B4GALT6: variants seen among roughly 807,000 people sequenced by gnomAD.
B4GALT6 encodes the protein beta-1,4-galactosyltransferase 6.
B4GALT6 carries 14 observed loss-of-function variants against 46.3 expected under a neutral mutation model. The ratio of observed to expected loss-of-function variants is 0.30; its 90% CI spans 0.20 to 0.47. The LOEUF (loss-of-function observed/expected upper bound fraction) is 0.47. B4GALT6 is among the 20% of genes least tolerant of loss of function. B4GALT6 has a pLI of 0.99. For synonymous variants in B4GALT6, 168 were observed against 162.0 expected (o/e 1.04, Z -0.28); for missense variants, 386 against 480.1 (o/e 0.80, Z 1.83).
intron 6 of B4GALT6, among the ~76,000 whole-genome samples, chr18:31,630,107 GGGAGTGGGGAGGA>G (rs1011871585): frequency 2.7e-4 from 40 of 148,230 alleles, no homozygotes; most frequent in African/African-American, 6.3e-4. Flanking sequence ...GGAGGGGAGC[GGGAGTGGGGAGGA>G]GGAGTGGGGA....
upstream of B4GALT6, among the ~76,000 whole-genome samples, chr18:31,688,106 C>T (rs1269003000): frequency 6.6e-6 from 1 of 151,822 alleles, no homozygotes; most frequent in East Asian, 1.9e-4. Context: ...ATAGTCTCAG[C>T]ATCTGAGACT....
At chr18:31,641,419 A>G (rs1360670758) in intron 4 of B4GALT6, among the ~76,000 whole-genome samples, 1 of 152,254 alleles carries the variant, frequency 6.6e-6, no homozygotes, top group African/African-American at 2.4e-5. Context: ...AATATGTGAT[A>G]AATCTAAGGC....
intron 3 of B4GALT6, among the ~76,000 whole-genome samples, chr18:31,654,526 A>C (rs974022535): frequency 3.9e-5 from 6 of 152,226 alleles, no homozygotes; most frequent in Non-Finnish European, 8.8e-5. Context: ...ATTGAATATG[A>C]AACACTGCTG....
the B4GALT6 span, among the ~76,000 whole-genome samples, chr18:31,709,356 T>C: frequency 6.6e-6 from 1 of 150,762 alleles, no homozygotes. Flanking sequence ...TGCACCACCA[T>C]ACCTGACACC....
At chr18:31,661,677 C>A (rs2144665060) in intron 2 of B4GALT6, among the ~76,000 whole-genome samples, 1 of 152,206 alleles carries the variant, frequency 6.6e-6, no homozygotes, top group African/African-American at 2.4e-5. Context: ...ATACTATACA[C>A]TACACATTCA....
At chr18:31,632,331 T>G in intron 5 of B4GALT6, among the ~76,000 whole-genome samples, 1 of 152,352 alleles carries the variant, frequency 6.6e-6, no homozygotes, top group African/African-American at 2.4e-5. Context: ...TATAATGTTA[T>G]GACTAGTACA....
At chr18:31,683,141 G>C (rs2074500583) in intron 1 of B4GALT6, among the ~76,000 whole-genome samples, 1 of 152,122 alleles carries the variant, frequency 6.6e-6, no homozygotes, top group East Asian at 1.9e-4. Context: ...AATTATTAAA[G>C]AAAAAGTCTC....
At chr18:31,631,904 C>A (rs566452910) in intron 5 of B4GALT6, among the ~76,000 whole-genome samples, 18 of 152,222 alleles carry the variant, frequency 1.2e-4, no homozygotes, top group African/African-American at 4.3e-4. Context: ...GCAATAGTTT[C>A]TATTATTGCT....
At chr18:31,703,690 G>A in the B4GALT6 span, among the ~76,000 whole-genome samples, 16 of 152,204 alleles carry the variant, frequency 1.1e-4, no homozygotes, top group Non-Finnish European at 2.1e-4. Flanking sequence ...AAAAGAATGA[G>A]CCTAATAGCT....
chr18:31,688,101 C>T (rs1227326479), upstream of B4GALT6, among the ~76,000 whole-genome samples: 1 of 151,860 alleles, frequency 6.6e-6, no homozygotes, highest in African/African-American at 2.4e-5. Flanking sequence ...AATGCATAGT[C>T]TCAGCATCTG....
intron 3 of B4GALT6, among the ~76,000 whole-genome samples, chr18:31,651,056 G>T (rs891768404): frequency 9.2e-5 from 14 of 152,024 alleles, no homozygotes; most frequent in Admixed American, 3.3e-4. Flanking sequence ...GTGAGCCACC[G>T]CGCCCAGCCC....
chr18:31,662,102 A>G (rs2074224405), intron 2 of B4GALT6, among the ~76,000 whole-genome samples: 1 of 152,194 alleles, frequency 6.6e-6, no homozygotes, highest in South Asian at 2.1e-4. Context: ...TCTACTTTTT[A>G]TTTTAGTGCT....
At chr18:31,712,151 G>A in the B4GALT6 span, among the ~76,000 whole-genome samples, 3 of 152,092 alleles carry the variant, frequency 2.0e-5, no homozygotes, top group Admixed American at 6.6e-5. Context: ...AACATTAAAA[G>A]TCTGACAAAT....
chr18:31,659,865 A>C (rs17717934), intron 2 of B4GALT6, among the ~76,000 whole-genome samples: 1 of 151,952 alleles, frequency 6.6e-6, no homozygotes, highest in African/African-American at 2.4e-5. Flanking sequence ...CCCATGCTCA[A>C]TGTATTCCCC....
chr18:31,724,512 T>C, the B4GALT6 span: 1 of 1,008,266 alleles, frequency 9.9e-7, no homozygotes, highest in Non-Finnish European at 1.2e-6. Context: ...TTCTGCTTCC[T>C]CCCAGACGTC....
the B4GALT6 span, chr18:31,724,599 C>T: frequency 9.4e-7 from 1 of 1,064,924 alleles, no homozygotes. Flanking sequence ...AGCTGGAGAG[C>T]TGCCCCGGGG....
At chr18:31,641,526 T>C (rs932103059) in intron 4 of B4GALT6, among the ~76,000 whole-genome samples, 21 of 152,212 alleles carry the variant, frequency 1.4e-4, no homozygotes, top group African/African-American at 4.8e-4. Context: ...TAGTTTACAA[T>C]TTTTTTGTCT....
intron 5 of B4GALT6, 50 bp downstream of exon 5, chr18:31,638,594 A>AG: frequency 1.5e-6 from 2 of 1,346,154 alleles, no homozygotes; most frequent in Non-Finnish European, 2.1e-6. Context: ...ACCATATCTA[A>AG]GAGTTTAGAT....
chr18:31,655,031 A>T (rs1192151052), intron 3 of B4GALT6, among the ~76,000 whole-genome samples: 1 of 152,228 alleles, frequency 6.6e-6, no homozygotes, highest in African/African-American at 2.4e-5. Context: ...GAATCAAATT[A>T]ATACCTATCA....
Sources: gnomAD v4.1 joint callset for allele counts (sites outside exome capture counted in the v4.1 genomes callset) on GRCh38, gnomAD v4.1.1 for gene constraint, MANE v1.5 for transcripts, NCBI Gene and HGNC (gene_info 2026-07-23, HGNC 2026-07-21) for gene names.